GALNT17: variants seen among roughly 807,000 people sequenced by gnomAD.
GALNT17 encodes the protein UDP-GalNAc:polypeptide N-acetylgalactosaminyltransferase-like 3.
A neutral mutation model predicts 63.7 loss-of-function variants in GALNT17; 29 were observed. The observed-to-expected ratio is 0.46, with a 90% confidence interval of 0.34 to 0.62. GALNT17 has a LOEUF of 0.62. Ranked by LOEUF, GALNT17 falls within the 20% of genes least tolerant of loss-of-function variation. GALNT17 has a pLI of 0.01. For synonymous variants in GALNT17, 305 were observed against 318.3 expected (o/e 0.96, Z 0.45); for missense variants, 603 against 799.6 (o/e 0.75, Z 2.97).
chr7:71,132,532 T>C lies in GALNT17; in HGVS notation c.-271T>C. The C allele has an allele frequency of 2.3e-6, 1 of 441,830 alleles. No individual in the cohort carries two copies. The highest frequency in any genetic ancestry group is 4.0e-6 in the Non-Finnish European group (1 of 249,554). The allele number at this position is 441,830 out of a possible 1,614,324, so 27.4% of individuals were successfully genotyped here. ...ATCCCTGGCCTTTCGCGGAGACGCC[T>C]GGACGGGGCCGTGCGCCGTGGACTG... On this transcript the variant is annotated 5_prime_UTR_variant, in exon 1 of 11. Coordinates refer to ENST00000333538, the MANE Select transcript of GALNT17 (RefSeq NM_022479.3).
intron 2 of GALNT17, among the ~76,000 whole-genome samples, chr7:71,356,929 G>A (rs1010045864): frequency 2.0e-5 from 3 of 151,912 alleles, no homozygotes; most frequent in Non-Finnish European, 2.9e-5. Flanking sequence ...TTACAGGCAC[G>A]CACCACCATG....
At chr7:71,627,336 T>G (rs527515798) in intron 6 of GALNT17, among the ~76,000 whole-genome samples, 8 of 152,338 alleles carry the variant, frequency 5.3e-5, no homozygotes, top group African/African-American at 1.9e-4. Context: ...GGAGGATTGC[T>G]TGAGCCCAGG....
At chr7:71,306,301 A>G (rs1781295816) in intron 1 of GALNT17, among the ~76,000 whole-genome samples, 1 of 152,176 alleles carries the variant, frequency 6.6e-6, no homozygotes, top group Non-Finnish European at 1.5e-5. Flanking sequence ...ATGTGCATAT[A>G]TCAGTAGCGT....
intron 5 of GALNT17, among the ~76,000 whole-genome samples, chr7:71,498,128 T>C (rs756538787): frequency 1.3e-5 from 2 of 152,168 alleles, no homozygotes; most frequent in Non-Finnish European, 2.9e-5. Context: ...ATTTTAACAA[T>C]TTATTGTATT....
intron 2 of GALNT17, among the ~76,000 whole-genome samples, chr7:71,361,944 A>G (rs1474091227): frequency 6.6e-6 from 1 of 151,916 alleles, no homozygotes; most frequent in African/African-American, 2.4e-5. Flanking sequence ...CTTTTCCTGT[A>G]TGAGATTTTT....
At chr7:71,592,544 A>C (rs143759289) in intron 6 of GALNT17, among the ~76,000 whole-genome samples, 38,138 of 115,426 alleles carry the variant, frequency 0.33, 6,808 homozygotes, top group African/African-American at 0.4. Flanking sequence ...AATAAAATAA[A>C]ATAGCATAGC....
intron 5 of GALNT17, among the ~76,000 whole-genome samples, chr7:71,534,869 G>T (rs1227573823): frequency 1.3e-5 from 2 of 152,142 alleles, no homozygotes; most frequent in African/African-American, 4.8e-5. Context: ...CAGGCATGTT[G>T]TAAGTGCTAC....
chr7:71,457,920 C>G (rs1787383516), intron 5 of GALNT17, among the ~76,000 whole-genome samples: 1 of 152,174 alleles, frequency 6.6e-6, no homozygotes. Flanking sequence ...TCAAACAGCT[C>G]TGACATTTTT....
At chr7:71,217,392 A>G (rs1446043051) in intron 1 of GALNT17, among the ~76,000 whole-genome samples, 1 of 151,908 alleles carries the variant, frequency 6.6e-6, no homozygotes, top group Admixed American at 6.6e-5. Flanking sequence ...AGATGTGTTT[A>G]GTTTTCATGA....
At chr7:71,453,056 A>G (rs925552764) in intron 5 of GALNT17, among the ~76,000 whole-genome samples, 2 of 152,172 alleles carry the variant, frequency 1.3e-5, no homozygotes, top group African/African-American at 2.4e-5. Flanking sequence ...CGGAAACTCC[A>G]GGAGGGTAAG....
chr7:71,243,480 G>A (rs945494160), intron 1 of GALNT17, among the ~76,000 whole-genome samples: 1 of 152,156 alleles, frequency 6.6e-6, no homozygotes, highest in African/African-American at 2.4e-5. Context: ...AACATGTTGG[G>A]CGACCTTAAT....
chr7:71,273,773 G>A (rs1467395357), intron 1 of GALNT17, among the ~76,000 whole-genome samples: 4 of 152,090 alleles, frequency 2.6e-5, no homozygotes, highest in Non-Finnish European at 4.4e-5. Flanking sequence ...GCCATGAAAA[G>A]TTTGACTTTT....
chr7:71,613,612 C>T (rs1790157288), intron 6 of GALNT17, among the ~76,000 whole-genome samples: 1 of 152,008 alleles, frequency 6.6e-6, no homozygotes, highest in Non-Finnish European at 1.5e-5. Flanking sequence ...TGGTCAGAGG[C>T]TTATGTCTGG....
intron 2 of GALNT17, among the ~76,000 whole-genome samples, chr7:71,341,960 G>A (rs1036181738): frequency 7.2e-5 from 11 of 152,184 alleles, no homozygotes; most frequent in Middle Eastern, 3.2e-3. Flanking sequence ...CAGGGCTCCA[G>A]GAGGTATGTC....
chr7:71,702,121 A>T (rs2117117074), intron 9 of GALNT17, among the ~76,000 whole-genome samples: 1 of 151,898 alleles, frequency 6.6e-6, no homozygotes, highest in Admixed American at 6.6e-5. Context: ...GACACTGTGG[A>T]CTACCAGAGT....
At chr7:71,280,581 G>A (rs578262691) in intron 1 of GALNT17, among the ~76,000 whole-genome samples, 7 of 152,228 alleles carry the variant, frequency 4.6e-5, no homozygotes, top group South Asian at 2.1e-4. Context: ...ATTTATTAGC[G>A]CTTATAACTG....
chr7:71,261,653 C>T (rs1790387526), intron 1 of GALNT17, among the ~76,000 whole-genome samples: 2 of 152,058 alleles, frequency 1.3e-5, no homozygotes, highest in South Asian at 4.1e-4. Context: ...GCCTTGAATC[C>T]CTGAGGTAGT....
At chr7:71,676,934 G>A (rs1432773264) in intron 8 of GALNT17, among the ~76,000 whole-genome samples, 1 of 152,162 alleles carries the variant, frequency 6.6e-6, no homozygotes, top group African/African-American at 2.4e-5. Context: ...GAAGTTCCCT[G>A]AGATTGCCTT....
chr7:71,272,520 T>G (rs1468846179), intron 1 of GALNT17, among the ~76,000 whole-genome samples: 1 of 152,200 alleles, frequency 6.6e-6, no homozygotes, highest in Non-Finnish European at 1.5e-5. Flanking sequence ...TTTAAGCCAT[T>G]CTAGTAGGTG....
Sources: gnomAD v4.1 joint callset for allele counts (sites outside exome capture counted in the v4.1 genomes callset) on GRCh38, gnomAD v4.1.1 for gene constraint, MANE v1.5 for transcripts, NCBI Gene and HGNC (gene_info 2026-07-23, HGNC 2026-07-21) for gene names.